NRXN3: variants seen among roughly 807,000 people sequenced by gnomAD.
The protein encoded by NRXN3 is neurexin 3.
Under a neutral mutation model 137.6 loss-of-function variants are expected in NRXN3, and 32 were observed. The ratio of observed to expected loss-of-function variants is 0.23; its 90% confidence interval spans 0.18 to 0.31. The LOEUF (loss-of-function observed/expected upper bound fraction) is 0.31. NRXN3 is among the 10% of genes least tolerant of loss of function. NRXN3 has a pLI of 1.00. For missense variants in NRXN3, 1,574 were observed against 2,062.5 expected (o/e 0.76, Z 4.59); for synonymous variants, 798 against 784.5 (o/e 1.02, Z -0.29).
intron 3 of NRXN3, among the ~76,000 whole-genome samples, chr14:78,294,495 G>A (rs2076115430): frequency 1.3e-5 from 2 of 149,362 alleles, no homozygotes; most frequent in South Asian, 4.2e-4. Flanking sequence ...GGCAGAGGTG[G>A]CAGTAAGCCA....
intron 4 of NRXN3, among the ~76,000 whole-genome samples, chr14:78,432,609 G>A (rs1042410433): frequency 2.6e-5 from 4 of 152,156 alleles, no homozygotes; most frequent in Non-Finnish European, 5.9e-5. Flanking sequence ...CTATGCCTCA[G>A]GTGAAAAAGA....
Position 79,028,500 on chromosome 14 carries a change from T to G in NRXN3, c.3262+40359T>G, listed in dbSNP as rs996194088. Among the ~76,000 whole-genome samples, 3 of 152,178 alleles carry G rather than the reference T, an allele frequency of 2.0e-5. No individual in the cohort carries two copies. In the East Asian group the frequency reaches 5.8e-4, roughly 29 times the overall value. ...CAAGGTTAAACGTCTGACTCATTAG[T>G]AAGAGGAAGTCTTTTTAGGCAGTTC... is the stretch of plus-strand genomic sequence containing the variant. On this transcript the variant is annotated intron_variant, in intron 15 of 20. Transcript: ENST00000335750.
At chr14:78,809,291 A>C (rs2098896131) in intron 9 of NRXN3, among the ~76,000 whole-genome samples, 1 of 149,976 alleles carries the variant, frequency 6.7e-6, no homozygotes, top group Non-Finnish European at 1.5e-5. Flanking sequence ...TGAAACAAAA[A>C]CCAAAAAATT....
At chr14:78,326,856 A>G (rs2080162296) in intron 4 of NRXN3, among the ~76,000 whole-genome samples, 1 of 151,948 alleles carries the variant, frequency 6.6e-6, no homozygotes, top group African/African-American at 2.4e-5. Context: ...TTGTGAACAG[A>G]ATGGATCTGA....
At chr14:78,445,783 G>A (rs2094401855) in intron 4 of NRXN3, among the ~76,000 whole-genome samples, 1 of 152,178 alleles carries the variant, frequency 6.6e-6, no homozygotes, top group Non-Finnish European at 1.5e-5. Context: ...TGTCATTTTT[G>A]TAGTTTGGTC....
chr14:79,793,967 GATGC>G (rs1349385980), intron 19 of NRXN3, among the ~76,000 whole-genome samples: 3 of 152,134 alleles, frequency 2.0e-5, no homozygotes, highest in African/African-American at 7.2e-5. Context: ...TTCACTTCTT[GATGC>G]ATGCACATTC....
At chr14:78,309,145 G>A (rs1200119472) in intron 4 of NRXN3, among the ~76,000 whole-genome samples, 1 of 152,068 alleles carries the variant, frequency 6.6e-6, no homozygotes, top group Non-Finnish European at 1.5e-5. Context: ...TAAAAACAAT[G>A]CATTATATGG....
intron 15 of NRXN3, among the ~76,000 whole-genome samples, chr14:79,256,627 C>T (rs1018314769): frequency 6.6e-6 from 1 of 152,172 alleles, no homozygotes; most frequent in African/African-American, 2.4e-5. Flanking sequence ...GCATTAATCT[C>T]CTGAGATTTG....
intron 4 of NRXN3, among the ~76,000 whole-genome samples, chr14:78,367,072 G>C (rs2086074191): frequency 6.6e-6 from 1 of 152,148 alleles, no homozygotes; most frequent in Non-Finnish European, 1.5e-5. Flanking sequence ...TCTCATTCCT[G>C]ATGCTCTCTG....
chr14:79,555,283 G>T (rs1323983021), intron 16 of NRXN3, among the ~76,000 whole-genome samples: 1 of 152,124 alleles, frequency 6.6e-6, no homozygotes, highest in Non-Finnish European at 1.5e-5. Flanking sequence ...TTTGGGGAAG[G>T]GTAAGACTAT....
chr14:78,461,398 G>A (rs1216587327), intron 4 of NRXN3, among the ~76,000 whole-genome samples: 1 of 152,156 alleles, frequency 6.6e-6, no homozygotes, highest in Non-Finnish European at 1.5e-5. Flanking sequence ...TGTCTTGGTG[G>A]CCACATGGAT....
chr14:78,328,542 G>A (rs55842090), intron 4 of NRXN3, among the ~76,000 whole-genome samples: 7,235 of 152,192 alleles, frequency 0.048, 581 homozygotes, highest in African/African-American at 0.16. Context: ...TAATGCAAAC[G>A]TAAAGACAAC....
rs116254707 is a variant in NRXN3 at position 78,618,412 on chromosome 14, G to A, written c.758-26708G>A. Among the ~76,000 whole-genome samples the A allele has an allele frequency of 3.9e-3, 596 of 152,108 alleles. 5 individuals are homozygous for A. The highest frequency in any genetic ancestry group is 0.013 in the African/African-American group (544 of 41,490). On this transcript the variant is annotated intron_variant, in intron 4 of 20. Transcript: ENST00000335750. ...TTGCCACTTGACACATATTTACCCC[G>A]CAAACCTACACTGGCAATGCTAAGG... is the stretch of plus-strand genomic sequence containing the variant.
chr14:78,438,582 C>T (rs190645268), intron 4 of NRXN3, among the ~76,000 whole-genome samples: 5 of 152,210 alleles, frequency 3.3e-5, no homozygotes, highest in South Asian at 4.1e-4. Context: ...CTTAGCTGTA[C>T]GACACTGCCC....
chr14:78,970,167 C>T (rs1247216837), intron 14 of NRXN3, among the ~76,000 whole-genome samples: 1 of 152,020 alleles, frequency 6.6e-6, no homozygotes, highest in Non-Finnish European at 1.5e-5. Context: ...TTTATTATGC[C>T]ATCAGTTCTT....
intron 15 of NRXN3, among the ~76,000 whole-genome samples, chr14:79,259,588 TAG>T (rs1323257916): frequency 5.4e-5 from 8 of 148,042 alleles, no homozygotes; most frequent in Admixed American, 4.1e-4. Flanking sequence ...TAGCTATATA[TAG>T]AGTTATATAT....
chr14:79,121,557 A>G (rs1469259257), intron 15 of NRXN3, among the ~76,000 whole-genome samples: 2 of 152,138 alleles, frequency 1.3e-5, no homozygotes, highest in African/African-American at 2.4e-5. Flanking sequence ...TTATTAGACA[A>G]TTCTCTTTTG....
intron 15 of NRXN3, among the ~76,000 whole-genome samples, chr14:79,045,433 C>T (rs370161735): frequency 3.9e-5 from 6 of 152,234 alleles, no homozygotes; most frequent in East Asian, 1.9e-4. Context: ...CCCCACAAGC[C>T]GCATGAATCA....
chr14:78,937,948 G>A (rs1017585007), intron 10 of NRXN3, among the ~76,000 whole-genome samples: 3 of 152,190 alleles, frequency 2.0e-5, no homozygotes, highest in African/African-American at 7.2e-5. Flanking sequence ...AGGAATGTGT[G>A]TTTAACATTG....
Sources: allele counts gnomAD v4.1 joint callset (sites outside exome capture counted in the v4.1 genomes callset), GRCh38; gene constraint gnomAD v4.1.1; transcripts MANE v1.5; gene names NCBI Gene and HGNC (gene_info 2026-07-23, HGNC 2026-07-21).